SLC24A2: variants seen among roughly 807,000 people sequenced by gnomAD.
The protein encoded by SLC24A2 is sodium/potassium/calcium exchanger 2.
SLC24A2 carries 36 observed loss-of-function variants against 62.0 expected under a neutral mutation model. That is an observed-to-expected ratio of 0.58 (90% CI 0.44 to 0.77). The LOEUF is 0.77. SLC24A2 is among the 30% of genes least tolerant of loss of function. SLC24A2 has a pLI of 0.00. For synonymous variants in SLC24A2, 358 were observed against 294.0 expected (o/e 1.22, Z -2.23); for missense variants, 846 against 817.9 (o/e 1.03, Z -0.42).
chr9:19,647,190 G>C (rs1162364026), intron 2 of SLC24A2, among the ~76,000 whole-genome samples: 1 of 151,668 alleles, frequency 6.6e-6, no homozygotes, highest in Non-Finnish European at 1.5e-5. Context: ...CTACTAGGTT[G>C]TGAACTCTTC....
the SLC24A2 span, among the ~76,000 whole-genome samples, chr9:20,127,543 T>C: frequency 6.6e-6 from 1 of 152,278 alleles, no homozygotes; most frequent in East Asian, 1.9e-4. Context: ...GTTTCATCTC[T>C]TTCCAGGGAT....
chr9:19,892,146 C>T, the SLC24A2 span, among the ~76,000 whole-genome samples: 1 of 152,136 alleles, frequency 6.6e-6, no homozygotes, highest in South Asian at 2.1e-4. Flanking sequence ...CTTGCTTTTT[C>T]TTCCGTTTAG....
chr9:19,969,307 C>A, the SLC24A2 span, among the ~76,000 whole-genome samples: 8 of 151,950 alleles, frequency 5.3e-5, no homozygotes, highest in Non-Finnish European at 1.2e-4. Flanking sequence ...CTCCCTCCCC[C>A]AAAACCTAAA....
At chr9:20,186,326 C>T in the SLC24A2 span, among the ~76,000 whole-genome samples, 1 of 152,264 alleles carries the variant, frequency 6.6e-6, no homozygotes, top group South Asian at 2.1e-4. Context: ...TCTCTGAACA[C>T]TTATCTCTGT....
intron 2 of SLC24A2, among the ~76,000 whole-genome samples, chr9:19,633,718 C>T (rs1345443228): frequency 1.3e-5 from 2 of 152,078 alleles, no homozygotes; most frequent in East Asian, 3.8e-4. Flanking sequence ...TTTTCGTGTG[C>T]TTATTTGCCA....
chr9:20,167,560 A>C, the SLC24A2 span, among the ~76,000 whole-genome samples: 2 of 152,146 alleles, frequency 1.3e-5, no homozygotes, highest in African/African-American at 4.8e-5. Flanking sequence ...CCTAGCACCC[A>C]AATCTTGGTT....
chr9:19,958,426 T>C, the SLC24A2 span, among the ~76,000 whole-genome samples: 1 of 152,210 alleles, frequency 6.6e-6, no homozygotes, highest in South Asian at 2.1e-4. Flanking sequence ...TGGGGATTCC[T>C]GCAACCCAAG....
At chr9:20,054,524 C>T in the SLC24A2 span, among the ~76,000 whole-genome samples, 1 of 152,046 alleles carries the variant, frequency 6.6e-6, no homozygotes, top group Admixed American at 6.6e-5. Flanking sequence ...TTTGGTGCAC[C>T]CATCGCCCAA....
At chr9:20,005,384 T>C in the SLC24A2 span, among the ~76,000 whole-genome samples, 5 of 152,310 alleles carry the variant, frequency 3.3e-5, no homozygotes, top group Admixed American at 2.6e-4. Flanking sequence ...ACTCTGTGTC[T>C]AATATTGTGC....
chr9:19,524,643 G>A (rs1046168838), intron 9 of SLC24A2, among the ~76,000 whole-genome samples: 10 of 152,188 alleles, frequency 6.6e-5, no homozygotes, highest in Admixed American at 2.6e-4. Context: ...TTGTTCAGCT[G>A]TCTGGGTGTT....
the SLC24A2 span, among the ~76,000 whole-genome samples, chr9:19,855,271 G>T: frequency 6.6e-6 from 1 of 151,858 alleles, no homozygotes; most frequent in Non-Finnish European, 1.5e-5. Context: ...TTTTAATTGG[G>T]GAATTTAGCC....
chr9:20,295,385 G>C, the SLC24A2 span, among the ~76,000 whole-genome samples: 3 of 152,276 alleles, frequency 2.0e-5, no homozygotes, highest in East Asian at 5.8e-4. Flanking sequence ...ATTAAGTATA[G>C]TTTAAGGGTG....
At chr9:20,170,116 C>G in the SLC24A2 span, among the ~76,000 whole-genome samples, 2 of 147,964 alleles carry the variant, frequency 1.4e-5, no homozygotes, top group African/African-American at 5.2e-5. Flanking sequence ...TCGAATTAAC[C>G]CAATCCAACA....
At chr9:19,654,767 A>G (rs191521837) in intron 2 of SLC24A2, among the ~76,000 whole-genome samples, 45 of 152,162 alleles carry the variant, frequency 3.0e-4, no homozygotes, top group Admixed American at 2.4e-3. Flanking sequence ...GATTGCAATG[A>G]TGTCCAACTG....
At chr9:20,143,312 G>C in the SLC24A2 span, among the ~76,000 whole-genome samples, 1 of 152,140 alleles carries the variant, frequency 6.6e-6, no homozygotes, top group Non-Finnish European at 1.5e-5. Context: ...GGGCCATAGA[G>C]AAAAGAGGAG....
the SLC24A2 span, among the ~76,000 whole-genome samples, chr9:20,083,851 G>T: frequency 1.1e-4 from 16 of 152,328 alleles, no homozygotes; most frequent in Admixed American, 9.8e-4. Context: ...TAGGAGTTCA[G>T]GCTCTCATTA....
chr9:19,879,327 G>A, the SLC24A2 span, among the ~76,000 whole-genome samples: 1 of 152,258 alleles, frequency 6.6e-6, no homozygotes, highest in African/African-American at 2.4e-5. Context: ...TCTGCAAAGA[G>A]CTATTTTATA....
At chr9:19,670,512 G>C (rs1819383847) in intron 2 of SLC24A2, among the ~76,000 whole-genome samples, 1 of 152,066 alleles carries the variant, frequency 6.6e-6, no homozygotes, top group Non-Finnish European at 1.5e-5. Flanking sequence ...AAGTGCCAGG[G>C]ACTTTATGCC....
chr9:19,828,235 A>G, the SLC24A2 span, among the ~76,000 whole-genome samples: 4 of 152,180 alleles, frequency 2.6e-5, no homozygotes, highest in South Asian at 8.3e-4. Context: ...CAGAGTGACC[A>G]TCGTTTGCAA....
Sources: allele counts gnomAD v4.1 joint callset (sites outside exome capture counted in the v4.1 genomes callset), GRCh38; gene constraint gnomAD v4.1.1; transcripts MANE v1.5; gene names NCBI Gene and HGNC (gene_info 2026-07-23, HGNC 2026-07-21).